ZNF90: variants seen among roughly 807,000 people sequenced by gnomAD.
The protein encoded by ZNF90 is zinc finger protein 90.
In ZNF90, 11 loss-of-function variants were observed where a neutral mutation model predicts 12.0. The observed-to-expected ratio is 0.92, with a 90% CI of 0.58 to 1.52. The LOEUF (loss-of-function observed/expected upper bound fraction) is 1.52, where lower values mean the gene tolerates loss of function less well. ZNF90 is among the 40% of genes most tolerant of loss of function. ZNF90 has a pLI of 0.00. For synonymous variants in ZNF90, 232 were observed against 240.1 expected (o/e 0.97, Z 0.31); for missense variants, 765 against 711.5 (o/e 1.08, Z -0.86).
intron 3 of ZNF90, among the ~76,000 whole-genome samples, chr19:20,109,405 A>G (rs1164854108): frequency 1.3e-5 from 2 of 152,134 alleles, no homozygotes; most frequent in Non-Finnish European, 2.9e-5. Flanking sequence ...TCTTACTTTC[A>G]CCATGTGTTT....
intron 3 of ZNF90, among the ~76,000 whole-genome samples, chr19:20,116,990 AAAAAAG>A (rs1568293555): frequency 6.7e-6 from 1 of 149,446 alleles, no homozygotes; most frequent in Non-Finnish European, 1.5e-5. Flanking sequence ...AAAAAAAAAA[AAAAAAG>A]AATTGGCAAC....
At chr19:20,094,410 G>T (rs140272806) in intron 1 of ZNF90, among the ~76,000 whole-genome samples, 1 of 152,216 alleles carries the variant, frequency 6.6e-6, no homozygotes, top group Non-Finnish European at 1.5e-5. Context: ...GCGGTAAAGC[G>T]TCTAAGGGTT....
intron 3 of ZNF90, among the ~76,000 whole-genome samples, chr19:20,115,592 A>C (rs992546302): frequency 2.0e-5 from 3 of 151,832 alleles, no homozygotes; most frequent in South Asian, 2.1e-4. Flanking sequence ...ATTCTTCATC[A>C]TTACATCTGC....
rs1555706264 is a variant in ZNF90 at position 20,119,117 on chromosome 19, C to G, written c.1563C>G (p.Ser521=). The change falls in exon 4 of 4, where the codon TCC becomes TCG. Residue 521 remains serine (S), a synonymous_variant. Coordinates refer to ENST00000418063, the MANE Select transcript of ZNF90 (RefSeq NM_007138.2). The part of the protein sequence containing the change: ...CEECGKAFKR[S]SVLSKHKIIH... The stretch of plus-strand genomic sequence containing the variant: ...AATGTGGCAAAGCCTTCAAGCGCTC[C>G]TCAGTCCTTAGTAAACATAAGATAA... 6.2e-7 allele frequency: 1 copy of G among 1,613,154 alleles called. No homozygotes were observed. The highest frequency in any genetic ancestry group is 1.3e-5 in the African/African-American group (1 of 74,962).
At chr19:20,086,105 G>A (rs2088857030) in intron 1 of ZNF90, among the ~76,000 whole-genome samples, 1 of 152,116 alleles carries the variant, frequency 6.6e-6, no homozygotes, top group Admixed American at 6.5e-5. Flanking sequence ...GAACAGTTCA[G>A]TGCATAAACT....
intron 1 of ZNF90, among the ~76,000 whole-genome samples, chr19:20,085,390 G>C (rs2088851637): frequency 6.6e-6 from 1 of 151,546 alleles, no homozygotes; most frequent in Non-Finnish European, 1.5e-5. Flanking sequence ...CTCCCGAATA[G>C]CTGGGACTAC....
At position 20,118,060 on chromosome 19, in the gene ZNF90, GA is replaced by G. The variant is rs782729171; in HGVS notation, c.513del (p.Lys171AsnfsTer6). 7 of 1,612,514 alleles carry G rather than the reference GA, an allele frequency of 4.3e-6. No homozygotes were observed. The highest frequency in any genetic ancestry group is 1.6e-4 in the Middle Eastern group (1 of 6,084). ...NSNRHKIRDTGKKPFKCIECG... is the reference protein window; with the variant it reads ...NSNRHKIRDTXKKPFKCIECG... ...AACAGACATAAGATAAGAGATACTG[GA>G]AAAAAACCTTTCAAATGTATAGAAT... is the stretch of plus-strand genomic sequence containing the variant. On this transcript the variant is annotated frameshift_variant, in exon 4 of 4. Coordinates refer to ENST00000418063, the MANE Select transcript of ZNF90 (RefSeq NM_007138.2). LOFTEE classifies it low-confidence loss of function (END_TRUNC).
chr19:20,107,226 C>A, intron 3 of ZNF90: 1 of 315,464 alleles, frequency 3.2e-6, no homozygotes, highest in Non-Finnish European at 6.3e-6. Flanking sequence ...AATTGGGTGC[C>A]TTTCTCCAGG....
intron 3 of ZNF90, among the ~76,000 whole-genome samples, chr19:20,112,586 T>A (rs1555705245): frequency 1.3e-5 from 2 of 152,156 alleles, no homozygotes; most frequent in Non-Finnish European, 2.9e-5. Flanking sequence ...CCTCCCAAAG[T>A]GTTGGGATTA....
chr19:20,105,901 A>G lies in ZNF90; in HGVS notation c.226+585A>G, dbSNP rs151103144. ...TAGAATTGTATTTTCCATTTCTGTG[A>G]AAAAGATACCACTGCAATTTTGCTA... is the stretch of plus-strand genomic sequence containing the variant. On this transcript the variant is annotated intron_variant, in intron 3 of 3. Coordinates refer to ENST00000418063, the MANE Select transcript of ZNF90 (RefSeq NM_007138.2). Among the ~76,000 whole-genome samples the G allele has an allele frequency of 9.0e-3, 1,372 of 152,226 alleles. 30 individuals are homozygous for G. Among genetic ancestry groups the G allele is most frequent in the African/African-American group, 0.031 (1,293 of 41,552 alleles).
intron 3 of ZNF90, among the ~76,000 whole-genome samples, chr19:20,109,016 C>T (rs1725929): frequency 0.27 from 40,474 of 151,436 alleles, 6,059 homozygotes; most frequent in East Asian, 0.47. Flanking sequence ...AGCCACCGTG[C>T]CCGGCTTCAG....
intron 1 of ZNF90, among the ~76,000 whole-genome samples, chr19:20,095,894 A>G (rs1555703209): frequency 1.3e-5 from 2 of 152,204 alleles, no homozygotes; most frequent in Non-Finnish European, 2.9e-5. Context: ...GCTAAGGGTG[A>G]AGGACCAAGG....
intron 3 of ZNF90, among the ~76,000 whole-genome samples, chr19:20,114,024 G>A (rs782783201): frequency 3.3e-5 from 5 of 152,202 alleles, no homozygotes; most frequent in Non-Finnish European, 5.9e-5. Context: ...CGGGCGGGGT[G>A]GCTTACGCCT....
chr19:20,083,330 T>C (rs1484512496), intron 1 of ZNF90, among the ~76,000 whole-genome samples: 1 of 152,120 alleles, frequency 6.6e-6, no homozygotes, highest in Non-Finnish European at 1.5e-5. Context: ...TTTTTTGTTT[T>C]TTGTTTTGTT....
chr19:20,081,161 GCA>G (rs2088817182), intron 1 of ZNF90, among the ~76,000 whole-genome samples: 1 of 152,170 alleles, frequency 6.6e-6, no homozygotes, highest in South Asian at 2.1e-4. Flanking sequence ...CCAGGACTAG[GCA>G]CCACCTTCAG....
At chr19:20,100,557 A>G (rs1281961905) in intron 1 of ZNF90, among the ~76,000 whole-genome samples, 1 of 152,142 alleles carries the variant, frequency 6.6e-6, no homozygotes, top group African/African-American at 2.4e-5. Flanking sequence ...TCCAATGTTG[A>G]TGACATTGAA....
intron 2 of ZNF90, among the ~76,000 whole-genome samples, 200 bp downstream of exon 2, chr19:20,104,565 A>T (rs1039184921): frequency 8.5e-5 from 13 of 152,184 alleles, no homozygotes; most frequent in African/African-American, 2.7e-4. Context: ...CTTTCCTGAG[A>T]TGAGCTGTAT....
intron 1 of ZNF90, among the ~76,000 whole-genome samples, chr19:20,089,699 T>C (rs1223403148): frequency 6.6e-6 from 1 of 152,172 alleles, no homozygotes; most frequent in Non-Finnish European, 1.5e-5. Context: ...TGGGGAAGTC[T>C]TGCTGGACCT....
intron 1 of ZNF90, among the ~76,000 whole-genome samples, chr19:20,102,691 C>T (rs1474913136): frequency 2.6e-5 from 4 of 152,118 alleles, no homozygotes; most frequent in Non-Finnish European, 5.9e-5. Flanking sequence ...TATGGATACT[C>T]AAGATTTCTA....
Sources: allele counts gnomAD v4.1 joint callset (sites outside exome capture counted in the v4.1 genomes callset), GRCh38; gene constraint gnomAD v4.1.1; transcripts MANE v1.5; gene names NCBI Gene and HGNC (gene_info 2026-07-23, HGNC 2026-07-21).